The following CFAP299 variants were observed in gnomAD, a reference collection of about 807,000 sequenced individuals.
The protein encoded by CFAP299 is cilia- and flagella-associated protein 299.
In CFAP299, 21 loss-of-function variants were observed where a neutral mutation model predicts 27.0. The ratio of observed to expected loss-of-function variants is 0.78; its 90% CI spans 0.55 to 1.12. CFAP299 has a LOEUF of 1.12. Ranked by LOEUF, CFAP299 falls within the 50% of genes most tolerant of loss-of-function variation. The pLI, the probability that CFAP299 is intolerant of heterozygous loss-of-function variation, is 0.00. For missense variants in CFAP299, 310 were observed against 276.6 expected (o/e 1.12, Z -0.86); for synonymous variants, 104 against 98.1 (o/e 1.06, Z -0.36).
intron 3 of CFAP299, among the ~76,000 whole-genome samples, chr4:80,742,453 T>A (rs1406866311): frequency 6.6e-6 from 1 of 152,174 alleles, no homozygotes. Context: ...TAGCAGAATA[T>A]AAAATAAATT....
At chr4:80,548,391 GGAGGATAT>G (rs1207173077) in intron 2 of CFAP299, among the ~76,000 whole-genome samples, 1 of 152,142 alleles carries the variant, frequency 6.6e-6, no homozygotes, top group Non-Finnish European at 1.5e-5. Flanking sequence ...GCTTGAGGTA[GGAGGATAT>G]GAGGCGGGCA....
chr4:80,466,970 G>T (rs185292614), intron 2 of CFAP299, among the ~76,000 whole-genome samples: 1 of 152,280 alleles, frequency 6.6e-6, no homozygotes, highest in East Asian at 1.9e-4. Context: ...GGGGAGAGAT[G>T]GCTCTCAATT....
intron 2 of CFAP299, among the ~76,000 whole-genome samples, chr4:80,514,188 A>G (rs991814584): frequency 5.3e-5 from 8 of 152,102 alleles, no homozygotes; most frequent in African/African-American, 1.9e-4. Flanking sequence ...TTCAAAAAAT[A>G]GACCATATTA....
At chr4:80,452,184 A>G (rs1376464463) in intron 2 of CFAP299, among the ~76,000 whole-genome samples, 1 of 151,952 alleles carries the variant, frequency 6.6e-6, no homozygotes, top group African/African-American at 2.4e-5. Context: ...TGGTGTATAT[A>G]GTAAAATGTT....
intron 2 of CFAP299, among the ~76,000 whole-genome samples, chr4:80,466,036 T>C (rs1729684005): frequency 6.6e-6 from 1 of 152,144 alleles, no homozygotes; most frequent in Admixed American, 6.5e-5. Context: ...TTCACAGAGG[T>C]CCAGAGAAGT....
intron 2 of CFAP299, among the ~76,000 whole-genome samples, chr4:80,536,206 A>G (rs886119503): frequency 2.6e-5 from 4 of 152,160 alleles, no homozygotes; most frequent in African/African-American, 9.7e-5. Context: ...TAATGGGATA[A>G]AGTGCCTTTA....
At chr4:80,845,781 A>G (rs1360747131) in intron 3 of CFAP299, among the ~76,000 whole-genome samples, 1 of 152,184 alleles carries the variant, frequency 6.6e-6, no homozygotes, top group Admixed American at 6.6e-5. Context: ...AATAATTTTT[A>G]TGTGATTATA....
intron 2 of CFAP299, among the ~76,000 whole-genome samples, chr4:80,400,535 G>C (rs1726097294): frequency 6.6e-6 from 1 of 152,038 alleles, no homozygotes; most frequent in Non-Finnish European, 1.5e-5. Flanking sequence ...TTCTGTTTTT[G>C]CTTCTTCCTC....
At chr4:80,509,085 C>G (rs1257725041) in intron 2 of CFAP299, among the ~76,000 whole-genome samples, 1 of 152,114 alleles carries the variant, frequency 6.6e-6, no homozygotes, top group South Asian at 2.1e-4. Flanking sequence ...GTCTTGGTTA[C>G]TAATGAAGGG....
intron 4 of CFAP299, among the ~76,000 whole-genome samples, chr4:80,891,778 T>TAAAAAAAAAAAAAAAAA (rs1200985883): frequency 3.9e-5 from 1 of 25,594 alleles, no homozygotes; most frequent in Non-Finnish European, 7.3e-5. Flanking sequence ...AAAAAAAAAT[T>TAAAAAAAAAAAAAAAAA]AAAAAAAAAA....
intron 2 of CFAP299, among the ~76,000 whole-genome samples, chr4:80,561,051 T>C (rs1006817845): frequency 6.6e-6 from 1 of 152,132 alleles, no homozygotes; most frequent in Non-Finnish European, 1.5e-5. Context: ...AGTGCAGTCA[T>C]AGTGGTGGTG....
intron 2 of CFAP299, among the ~76,000 whole-genome samples, chr4:80,377,796 T>C (rs1325014406): frequency 1.3e-5 from 2 of 152,138 alleles, no homozygotes; most frequent in Non-Finnish European, 2.9e-5. Flanking sequence ...GCTGTATTGA[T>C]CCTAATAAAG....
At chr4:80,519,293 G>A (rs1037559732) in intron 2 of CFAP299, among the ~76,000 whole-genome samples, 24 of 152,008 alleles carry the variant, frequency 1.6e-4, no homozygotes, top group Non-Finnish European at 2.9e-5. Flanking sequence ...TGCGATCTCT[G>A]CCTCCTGGGT....
At chr4:80,523,905 A>G (rs958555552) in intron 2 of CFAP299, among the ~76,000 whole-genome samples, 4 of 152,126 alleles carry the variant, frequency 2.6e-5, no homozygotes, top group Non-Finnish European at 4.4e-5. Flanking sequence ...ATTGACATCA[A>G]CTTGATTTTT....
chr4:80,340,027 G>T (rs1451129923), intron 1 of CFAP299, among the ~76,000 whole-genome samples: 3 of 152,196 alleles, frequency 2.0e-5, no homozygotes, highest in Admixed American at 6.5e-5. Context: ...AAATAGAAAT[G>T]GGGAGGGGCC....
At chr4:80,511,347 A>G (rs1413615396) in intron 2 of CFAP299, among the ~76,000 whole-genome samples, 1 of 152,192 alleles carries the variant, frequency 6.6e-6, no homozygotes, top group African/African-American at 2.4e-5. Context: ...GGAGATGCAC[A>G]TAGCATCTAA....
rs575997050 is a variant in CFAP299, at chr4:80,643,024, T to G, written c.333+59841T>G. On this transcript the variant is annotated intron_variant, in intron 3 of 5. Coordinates refer to ENST00000358105, the MANE Select transcript of CFAP299 (RefSeq NM_152770.3). ...ATTAAAAGAGATGTAGGGCCGGGTGTGGTGACTGGCGCCTGTAATCCCAGC... is the reference window on the plus strand; with the variant it reads ...ATTAAAAGAGATGTAGGGCCGGGTGGGGTGACTGGCGCCTGTAATCCCAGC... Among the ~76,000 whole-genome samples, 32 of 152,000 alleles carry G rather than the reference T, an allele frequency of 2.1e-4. No homozygotes were observed. The South Asian group carries it at 6.7e-3, about 32-fold the overall frequency.
chr4:80,894,782 G>T (rs942357974), intron 4 of CFAP299, among the ~76,000 whole-genome samples: 1 of 151,352 alleles, frequency 6.6e-6, no homozygotes, highest in East Asian at 1.9e-4. Context: ...ACAGATATGT[G>T]TGTGAGTGTG....
chr4:80,570,584 G>T (rs1453091379), intron 2 of CFAP299, among the ~76,000 whole-genome samples: 1 of 152,056 alleles, frequency 6.6e-6, no homozygotes, highest in Non-Finnish European at 1.5e-5. Context: ...ATATTAAAAA[G>T]TTCTAAATTA....
Sources: gnomAD v4.1 joint callset for allele counts (sites outside exome capture counted in the v4.1 genomes callset) on GRCh38, gnomAD v4.1.1 for gene constraint, MANE v1.5 for transcripts, NCBI Gene and HGNC (gene_info 2026-07-23, HGNC 2026-07-21) for gene names.